Variants in BBX observed in about 807,000 individuals in gnomAD.
The protein encoded by BBX is HMG box transcription factor BBX.
Under a neutral mutation model 100.2 loss-of-function variants are expected in BBX, and 30 were observed. That is an observed-to-expected ratio of 0.30 (90% confidence interval 0.22 to 0.41). BBX has a LOEUF of 0.41. Among genes scored for constraint, BBX ranks in the 10% least tolerant of loss-of-function variants. The pLI, the probability that BBX is intolerant of heterozygous loss-of-function variation, is 1.00. For synonymous variants in BBX, 376 were observed against 388.1 expected (o/e 0.97, Z 0.37); for missense variants, 1,023 against 1,129.8 (o/e 0.91, Z 1.35).
chr3:107,692,619 C>T (rs2108090417), intron 3 of BBX, among the ~76,000 whole-genome samples: 1 of 151,826 alleles, frequency 6.6e-6, no homozygotes, highest in East Asian at 1.9e-4. Context: ...TGGGTTGGTT[C>T]CAAGTCTTTG....
chr3:107,691,121 G>A (rs1218472809), intron 3 of BBX, among the ~76,000 whole-genome samples: 2 of 151,704 alleles, frequency 1.3e-5, no homozygotes, highest in Non-Finnish European at 2.9e-5. Context: ...TGCCTAGGCT[G>A]GTCTCAAACC....
chr3:107,606,731 A>G lies in BBX; in HGVS notation c.-83-39105A>G, dbSNP rs367989701. On this transcript the variant is annotated intron_variant, in intron 2 of 17. Coordinates refer to ENST00000325805, the MANE Select transcript of BBX (RefSeq NM_001142568.3). ...ATATTTTGATACAGGCACACAATGT[A>G]TAATAATCACATCAGGGTAAATGGG... is the stretch of plus-strand genomic sequence containing the variant. Among the ~76,000 whole-genome samples, 13 of 152,272 alleles carry G rather than the reference A, an allele frequency of 8.5e-5. No individual in the cohort carries two copies. In the East Asian group the frequency reaches 9.6e-4, roughly 11 times the overall value.
intron 7 of BBX, among the ~76,000 whole-genome samples, chr3:107,741,318 T>C (rs535689934): frequency 1.3e-5 from 2 of 152,244 alleles, no homozygotes; most frequent in South Asian, 4.1e-4. Context: ...TGTGAATTGC[T>C]CCTGTGAAAA....
chr3:107,758,521 T>C (rs1560105797), intron 10 of BBX, among the ~76,000 whole-genome samples: 1 of 152,106 alleles, frequency 6.6e-6, no homozygotes, highest in Non-Finnish European at 1.5e-5. Context: ...AGAGATGCCT[T>C]TGCTCGGGAC....
chr3:107,532,519 G>A (rs1332710746), intron 2 of BBX, among the ~76,000 whole-genome samples: 1 of 152,188 alleles, frequency 6.6e-6, no homozygotes. Flanking sequence ...TACATATGTA[G>A]TGCTTAACAA....
intron 3 of BBX, among the ~76,000 whole-genome samples, chr3:107,708,481 C>A (rs960993075): frequency 1.3e-5 from 2 of 152,094 alleles, no homozygotes; most frequent in Non-Finnish European, 2.9e-5. Context: ...CAAGACCAGA[C>A]TGGCCAATAT....
At chr3:107,532,994 A>G (rs1018218649) in intron 2 of BBX, among the ~76,000 whole-genome samples, 1 of 151,876 alleles carries the variant, frequency 6.6e-6, no homozygotes, top group Non-Finnish European at 1.5e-5. Context: ...TTTTTCCTTC[A>G]GAAGTGTGGT....
intron 2 of BBX, among the ~76,000 whole-genome samples, chr3:107,596,193 A>C (rs1318197986): frequency 1.3e-5 from 2 of 152,104 alleles, no homozygotes; most frequent in Non-Finnish European, 2.9e-5. Flanking sequence ...ATTAGAATTA[A>C]ATACATCTAA....
At chr3:107,565,919 A>G (rs1436971245) in intron 2 of BBX, among the ~76,000 whole-genome samples, 1 of 151,736 alleles carries the variant, frequency 6.6e-6, no homozygotes, top group African/African-American at 2.4e-5. Flanking sequence ...CACACCTATA[A>G]TCCTAGCACT....
chr3:107,698,199 A>G (rs1305517902), intron 3 of BBX, among the ~76,000 whole-genome samples: 1 of 151,812 alleles, frequency 6.6e-6, no homozygotes, highest in African/African-American at 2.4e-5. Flanking sequence ...AGCTGTTCCT[A>G]TTCGGCCATC....
At chr3:107,772,125 C>T (rs897991998) in intron 10 of BBX, among the ~76,000 whole-genome samples, 3 of 152,088 alleles carry the variant, frequency 2.0e-5, no homozygotes, top group East Asian at 1.9e-4. Context: ...GAAACACTTT[C>T]GTTTTCAAGC....
At chr3:107,524,863 C>T (rs1222708263) in intron 1 of BBX, among the ~76,000 whole-genome samples, 1 of 150,438 alleles carries the variant, frequency 6.6e-6, no homozygotes, top group Non-Finnish European at 1.5e-5. Context: ...GGAGCGAGCT[C>T]TGCCTCTGCT....
At chr3:107,663,142 G>C (rs2058548847) in intron 3 of BBX, among the ~76,000 whole-genome samples, 1 of 152,100 alleles carries the variant, frequency 6.6e-6, no homozygotes, top group Non-Finnish European at 1.5e-5. Flanking sequence ...TATTAGAAAT[G>C]GTGAATTAGA....
chr3:107,657,466 G>T (rs1189372994), intron 3 of BBX, among the ~76,000 whole-genome samples: 1 of 152,122 alleles, frequency 6.6e-6, no homozygotes, highest in African/African-American at 2.4e-5. Flanking sequence ...TGAAGTCTAG[G>T]TATCTGTCAC....
intron 5 of BBX, among the ~76,000 whole-genome samples, chr3:107,725,419 G>T (rs1265726834): frequency 6.6e-6 from 1 of 151,926 alleles, no homozygotes; most frequent in African/African-American, 2.4e-5. Flanking sequence ...CTGCCTGATT[G>T]CCCTGGCCAG....
chr3:107,632,419 A>T (rs2056605314), intron 2 of BBX, among the ~76,000 whole-genome samples: 1 of 152,150 alleles, frequency 6.6e-6, no homozygotes, highest in South Asian at 2.1e-4. Context: ...TAGTACTTTT[A>T]GTTTTTGAAA....
At chr3:107,626,497 A>G (rs1330948301) in intron 2 of BBX, among the ~76,000 whole-genome samples, 1 of 152,142 alleles carries the variant, frequency 6.6e-6, no homozygotes, top group Non-Finnish European at 1.5e-5. Flanking sequence ...TATCTCATGA[A>G]GTACAGTCAA....
intron 16 of BBX, among the ~76,000 whole-genome samples, chr3:107,799,855 G>A (rs1334441709): frequency 2.6e-5 from 4 of 152,154 alleles, no homozygotes; most frequent in Middle Eastern, 3.2e-3. Flanking sequence ...GGGTGTGGCC[G>A]AAGAGTGATA....
intron 3 of BBX, among the ~76,000 whole-genome samples, chr3:107,699,145 G>A (rs1418698274): frequency 6.6e-6 from 1 of 151,806 alleles, no homozygotes; most frequent in African/African-American, 2.4e-5. Flanking sequence ...GAAGGAAACA[G>A]GTCATTTCAG....
Sources: allele counts gnomAD v4.1 joint callset (sites outside exome capture counted in the v4.1 genomes callset), GRCh38; gene constraint gnomAD v4.1.1; transcripts MANE v1.5; gene names NCBI Gene and HGNC (gene_info 2026-07-23, HGNC 2026-07-21).